Variants in CENPW observed in about 807,000 individuals in gnomAD.
CENPW encodes cancer-up-regulated gene 2 protein.
CENPW carries 3 observed loss-of-function variants against 11.1 expected under a neutral mutation model. That is an observed-to-expected ratio of 0.27 (90% CI 0.12 to 0.70). The LOEUF (loss-of-function observed/expected upper bound fraction) is 0.70. CENPW is among the 30% of genes least tolerant of loss of function. CENPW has a pLI of 0.77. For synonymous variants in CENPW, 38 were observed against 42.0 expected (o/e 0.91, Z 0.37); for missense variants, 100 against 105.6 (o/e 0.95, Z 0.23).
chr6:126,468,882 C>G, the CENPW span, among the ~76,000 whole-genome samples: 2 of 152,102 alleles, frequency 1.3e-5, no homozygotes, highest in African/African-American at 4.8e-5. Context: ...TGGCTCACTG[C>G]AACCTCCACC....
chr6:126,406,307 G>A, the CENPW span, among the ~76,000 whole-genome samples: 1 of 151,636 alleles, frequency 6.6e-6, no homozygotes, highest in Admixed American at 6.6e-5. Context: ...CTTGATTATG[G>A]GTATAAATTT....
the CENPW span, among the ~76,000 whole-genome samples, chr6:126,431,680 A>G: frequency 1.3e-5 from 2 of 152,172 alleles, no homozygotes; most frequent in Non-Finnish European, 2.9e-5. Flanking sequence ...ATCTACTTCT[A>G]GTCCTAGCTG....
the CENPW span, among the ~76,000 whole-genome samples, chr6:126,480,674 A>C: frequency 6.6e-6 from 1 of 152,046 alleles, no homozygotes. Context: ...CGTGGAATTA[A>C]GGAATGACTC....
chr6:126,467,758 G>A, the CENPW span, among the ~76,000 whole-genome samples: 6 of 152,102 alleles, frequency 3.9e-5, no homozygotes, highest in African/African-American at 1.4e-4. Context: ...TGCACACAGT[G>A]ACTGTCTTCC....
the CENPW span, among the ~76,000 whole-genome samples, chr6:126,444,594 C>T: frequency 1.3e-5 from 2 of 150,828 alleles, no homozygotes; most frequent in Non-Finnish European, 3.0e-5. Context: ...TCTTTTTCTT[C>T]CCTTCAGCTC....
At chr6:126,468,343 C>T in the CENPW span, among the ~76,000 whole-genome samples, 1 of 140,556 alleles carries the variant, frequency 7.1e-6, no homozygotes, top group Non-Finnish European at 1.5e-5. Context: ...TCGCTTGAAC[C>T]CAAGAGGCAG....
the CENPW span, among the ~76,000 whole-genome samples, chr6:126,414,990 T>C: frequency 7.2e-5 from 11 of 151,868 alleles, no homozygotes; most frequent in Non-Finnish European, 1.5e-4. Flanking sequence ...GGAAAATCTA[T>C]AGGAAATGAA....
the CENPW span, among the ~76,000 whole-genome samples, chr6:126,385,111 AG>A: frequency 6.6e-6 from 1 of 152,180 alleles, no homozygotes; most frequent in African/African-American, 2.4e-5. Context: ...AAAAAATAAC[AG>A]GTGCTGGCAA....
the CENPW span, among the ~76,000 whole-genome samples, chr6:126,422,628 A>G: frequency 1.3e-5 from 2 of 152,092 alleles, no homozygotes; most frequent in African/African-American, 4.8e-5. Flanking sequence ...CCTGCAAAAG[A>G]TATTTGAAAT....
At chr6:126,358,838 A>G in the CENPW span, among the ~76,000 whole-genome samples, 2 of 152,128 alleles carry the variant, frequency 1.3e-5, no homozygotes. Context: ...ACCAATAACA[A>G]GTTCCAAAAT....
the CENPW span, among the ~76,000 whole-genome samples, chr6:126,368,996 C>T: frequency 6.6e-6 from 1 of 152,094 alleles, no homozygotes; most frequent in Non-Finnish European, 1.5e-5. Context: ...GTCTTTGTGT[C>T]CTCATAGCTT....
the CENPW span, among the ~76,000 whole-genome samples, chr6:126,388,551 A>G: frequency 6.6e-6 from 1 of 152,014 alleles, no homozygotes; most frequent in Non-Finnish European, 1.5e-5. Flanking sequence ...GACTAAGGTC[A>G]GGACCTACTG....
chr6:126,473,905 A>AAT, the CENPW span, among the ~76,000 whole-genome samples: 2 of 146,878 alleles, frequency 1.4e-5, no homozygotes, highest in African/African-American at 5.1e-5. Context: ...AGATATATAG[A>AAT]ATATATGCAT....
chr6:126,376,507 A>G, the CENPW span, among the ~76,000 whole-genome samples: 1 of 152,096 alleles, frequency 6.6e-6, no homozygotes, highest in Non-Finnish European at 1.5e-5. Flanking sequence ...AGTCATTACT[A>G]TTTAAAGGTA....
At chr6:126,449,815 A>G in the CENPW span, among the ~76,000 whole-genome samples, 12 of 151,136 alleles carry the variant, frequency 7.9e-5, no homozygotes, top group Non-Finnish European at 1.8e-4. Context: ...AATACTGAAA[A>G]TAATTATGCC....
the CENPW span, among the ~76,000 whole-genome samples, chr6:126,417,812 A>T: frequency 6.6e-6 from 1 of 152,212 alleles, no homozygotes. Flanking sequence ...AAGGTGCCAG[A>T]TCCATTTTGC....
At chr6:126,474,804 T>G in the CENPW span, among the ~76,000 whole-genome samples, 1 of 152,186 alleles carries the variant, frequency 6.6e-6, no homozygotes, top group Non-Finnish European at 1.5e-5. Context: ...TAAAAGTAAC[T>G]GTGGAATCCA....
chr6:126,457,083 A>C, the CENPW span, among the ~76,000 whole-genome samples: 2 of 151,556 alleles, frequency 1.3e-5, no homozygotes, highest in Non-Finnish European at 3.0e-5. Context: ...GAATGTTTAT[A>C]CACTGCTGGT....
the CENPW span, among the ~76,000 whole-genome samples, chr6:126,384,328 A>G: frequency 6.6e-6 from 1 of 152,098 alleles, no homozygotes; most frequent in Non-Finnish European, 1.5e-5. Flanking sequence ...GAAGGCCATC[A>G]TAAGCAAAGA....
Sources: gnomAD v4.1 joint callset for allele counts (sites outside exome capture counted in the v4.1 genomes callset) on GRCh38, gnomAD v4.1.1 for gene constraint, MANE v1.5 for transcripts, NCBI Gene and HGNC (gene_info 2026-07-23, HGNC 2026-07-21) for gene names.